Variants in OOSP3 observed in about 807,000 individuals in gnomAD.
OOSP3 encodes oocyte secreted protein family member 3.
rs112167480 is a variant in OOSP3, at chr11:59,887,522, C to T, written c.253-6557C>T. Among the ~76,000 whole-genome samples, 826 of 152,302 alleles carry T rather than the reference C, an allele frequency of 5.4e-3. 6 individuals are homozygous for T. The highest frequency in any genetic ancestry group is 0.018 in the African/African-American group (740 of 41,558). ...TTTCAATTTTCTGCATATGACTAGCCAGTTCTCCCAGCACCATTTATTAAA... is the reference window on the plus strand; with the variant it reads ...TTTCAATTTTCTGCATATGACTAGCTAGTTCTCCCAGCACCATTTATTAAA... On this transcript the variant is annotated intron_variant, in intron 2 of 4. Coordinates refer to ENST00000646438, the Ensembl canonical transcript of OOSP3.
intron 1 of OOSP3, among the ~76,000 whole-genome samples, 160 bp from the exon 2 acceptor site, chr11:59,880,101 C>T (rs1390869253): frequency 7.9e-5 from 12 of 152,136 alleles, no homozygotes; most frequent in Non-Finnish European, 1.5e-4. Context: ...CCTTCATTTA[C>T]AATTTTACCA....
rs903478519 is a variant in OOSP3 at position 59,879,438 on chromosome 11, ATATTTT to A, written c.73+563_73+568del. On this transcript the variant is annotated intron_variant, in intron 1 of 4. Transcript: ENST00000646438. ...AGTAATCTTTTCTCATCTAAACTAT[ATATTTT>A]TATTTATGTACAAAGTTATTGGGTA... 7.8e-4 allele frequency among the ~76,000 whole-genome samples: 118 copies of A among 152,222 alleles called. 1 individual carries two copies. Among genetic ancestry groups the A allele is most frequent in the African/African-American group, 2.4e-3 (101 of 41,542 alleles).
chr11:59,890,505 GA>G lies in OOSP3; in HGVS notation c.253-3570del, dbSNP rs1249316339. 3.3e-5 allele frequency among the ~76,000 whole-genome samples: 5 copies of G among 152,226 alleles called. No homozygotes were observed. In the East Asian group the frequency reaches 7.7e-4, roughly 24 times the overall value. ...GAGATCCTTTAGCATTTGCTTGTCCGAAAAGGATTTTATTTTTCCTTCTCTT... is the reference window on the plus strand; with the variant it reads ...GAGATCCTTTAGCATTTGCTTGTCCGAAAGGATTTTATTTTTCCTTCTCTT... On this transcript the variant is annotated intron_variant, in intron 2 of 4. Coordinates refer to ENST00000646438, the Ensembl canonical transcript of OOSP3.
intron 1 of OOSP3, among the ~76,000 whole-genome samples, chr11:59,879,435 T>A (rs1853181069): frequency 6.6e-6 from 1 of 152,162 alleles, no homozygotes; most frequent in South Asian, 2.1e-4. Context: ...TCATCTAAAC[T>A]ATATATTTTT....
intron 2 of OOSP3, among the ~76,000 whole-genome samples, chr11:59,889,452 C>G (rs1390545923): frequency 1.3e-5 from 2 of 152,086 alleles, no homozygotes; most frequent in Non-Finnish European, 2.9e-5. Context: ...ATAAATTTCC[C>G]TCTTAACACT....
chr11:59,891,508 T>C (rs1853312294), intron 2 of OOSP3, among the ~76,000 whole-genome samples: 1 of 152,214 alleles, frequency 6.6e-6, no homozygotes, highest in Non-Finnish European at 1.5e-5. Flanking sequence ...GTTTTTCTTT[T>C]AACATTCAGA....
intron 2 of OOSP3, among the ~76,000 whole-genome samples, chr11:59,883,442 C>A (rs1381135743): frequency 6.6e-6 from 1 of 152,166 alleles, no homozygotes; most frequent in Admixed American, 6.5e-5. Context: ...ATTCTTTTCA[C>A]CACAATATCA....
At chr11:59,893,333 T>C (rs1407642539) in intron 2 of OOSP3, among the ~76,000 whole-genome samples, 3 of 152,224 alleles carry the variant, frequency 2.0e-5, no homozygotes, top group African/African-American at 7.2e-5. Context: ...ATTAAGATTA[T>C]AAATCTTTGA....
At chr11:59,879,752 G>T (rs924846607) in intron 1 of OOSP3, among the ~76,000 whole-genome samples, 1 of 152,194 alleles carries the variant, frequency 6.6e-6, no homozygotes, top group African/African-American at 2.4e-5. Context: ...GACAGAGCAG[G>T]TGCAGATCTT....
intron 3 of OOSP3, 127 bp downstream of exon 3, chr11:59,894,303 T>C (rs1025808614): frequency 2.2e-4 from 87 of 393,776 alleles, no homozygotes; most frequent in African/African-American, 1.7e-3. Flanking sequence ...AGTTTCTCTG[T>C]GCAATGATGA....
chr11:59,895,517 C>T (rs1046675481), exon 4 of OOSP3: 2 of 398,136 alleles, frequency 5.0e-6, no homozygotes, highest in Admixed American at 8.8e-5. Context: ...CTTTGGATAC[C>T]ACTTCAAGCA....
intron 2 of OOSP3, among the ~76,000 whole-genome samples, chr11:59,886,826 T>C (rs1448732966): frequency 6.6e-6 from 1 of 151,562 alleles, no homozygotes; most frequent in African/African-American, 2.4e-5. Flanking sequence ...AGTCTTGCTC[T>C]GTCACCCAGG....
intron 2 of OOSP3, 99 bp downstream of exon 2, chr11:59,880,538 T>G (rs1223857778): frequency 2.5e-6 from 1 of 396,968 alleles, no homozygotes; most frequent in Non-Finnish European, 4.4e-6. Flanking sequence ...TTATGGCTCT[T>G]GAATTACTTT....
exon 1 of OOSP3, chr11:59,878,861 C>T (rs1167678136): frequency 2.5e-6 from 1 of 398,380 alleles, no homozygotes; most frequent in East Asian, 3.6e-5. Flanking sequence ...ACGATTTTGA[C>T]TCTTTCTGAG....
At chr11:59,886,164 G>A (rs111516852) in intron 2 of OOSP3, among the ~76,000 whole-genome samples, 4,246 of 152,116 alleles carry the variant, frequency 0.028, 204 homozygotes, top group African/African-American at 0.093. Flanking sequence ...CTGTTCCTGT[G>A]TTAGCTTGCT....
At chr11:59,886,957 A>AT (rs1022884557) in intron 2 of OOSP3, among the ~76,000 whole-genome samples, 5 of 150,344 alleles carry the variant, frequency 3.3e-5, no homozygotes, top group Non-Finnish European at 7.4e-5. Flanking sequence ...TGCCCGGCTA[A>AT]TTTTTTTTTG....
intron 4 of OOSP3, among the ~76,000 whole-genome samples, chr11:59,895,860 A>G (rs1431163074): frequency 1.3e-5 from 2 of 152,236 alleles, no homozygotes; most frequent in South Asian, 2.1e-4. Context: ...GGTCTTGTCA[A>G]TAAGTCTCCC....
exon 1 of OOSP3, chr11:59,878,862 T>A (rs1469899333): frequency 2.5e-6 from 1 of 398,450 alleles, no homozygotes; most frequent in African/African-American, 2.1e-5. Context: ...CGATTTTGAC[T>A]CTTTCTGAGC....
intron 2 of OOSP3, among the ~76,000 whole-genome samples, chr11:59,892,691 C>T (rs1328707697): frequency 6.6e-6 from 1 of 151,284 alleles, no homozygotes; most frequent in East Asian, 1.9e-4. Context: ...ACCAGCATTT[C>T]AGGAAAAGTA....
Sources: gnomAD v4.1 joint callset for allele counts (sites outside exome capture counted in the v4.1 genomes callset) on GRCh38, gnomAD v4.1.1 for gene constraint, MANE v1.5 for transcripts, NCBI Gene and HGNC (gene_info 2026-07-23, HGNC 2026-07-21) for gene names.